Variants in ELF2 observed in about 807,000 individuals in gnomAD.
The protein encoded by ELF2 is ETS-related transcription factor Elf-2.
In ELF2, 11 loss-of-function variants were observed where a neutral mutation model predicts 54.8. That is an observed-to-expected ratio of 0.20 (90% confidence interval 0.13 to 0.33). The LOEUF is 0.33. Ranked by LOEUF, ELF2 falls within the 10% of genes least tolerant of loss-of-function variation. ELF2 has a pLI of 1.00. For synonymous variants in ELF2, 203 were observed against 245.1 expected, an observed-to-expected ratio of 0.83 and a Z score of 1.61; for missense variants, 513 against 703.0, an observed-to-expected ratio of 0.73 and a Z score of 3.06.
intron 7 of ELF2, among the ~76,000 whole-genome samples, chr4:139,064,176 C>T (rs1291412470): frequency 6.6e-6 from 1 of 152,140 alleles, no homozygotes; most frequent in African/African-American, 2.4e-5. Context: ...GGCATGATGG[C>T]GGGTGCCTGT....
chr4:139,099,500 G>C (rs955529265), intron 4 of ELF2, among the ~76,000 whole-genome samples: 2 of 152,178 alleles, frequency 1.3e-5, no homozygotes, highest in African/African-American at 4.8e-5. Flanking sequence ...ATTCAGGTAA[G>C]TCAACTGATA....
chr4:139,109,090 T>A (rs1734707900), intron 4 of ELF2, among the ~76,000 whole-genome samples: 3 of 152,158 alleles, frequency 2.0e-5, no homozygotes, highest in African/African-American at 7.2e-5. Flanking sequence ...TAAACAAGCA[T>A]CATTGCCACA....
intron 4 of ELF2, among the ~76,000 whole-genome samples, chr4:139,089,921 T>C (rs1246700759): frequency 6.6e-6 from 1 of 152,168 alleles, no homozygotes; most frequent in Non-Finnish European, 1.5e-5. Context: ...AGTTTCTAGG[T>C]CATAAAGTAT....
intron 1 of ELF2, chr4:139,155,444 G>C: frequency 6.6e-6 from 1 of 152,174 alleles, no homozygotes. Flanking sequence ...TCCCCATCTC[G>C]GAAAACAATA....
intron 4 of ELF2, among the ~76,000 whole-genome samples, chr4:139,092,300 G>GAAGT (rs1300675977): frequency 6.6e-6 from 1 of 151,686 alleles, no homozygotes; most frequent in Non-Finnish European, 1.5e-5. Context: ...GGCAGAGGTT[G>GAAGT]AAGTAAGCCG....
In ELF2 at chr4:139,139,495, G is replaced by C. The variant is rs1738497668; in HGVS notation, c.-249C>G. The C allele has an allele frequency of 8.1e-7, 1 of 1,228,084 alleles. No individual in the cohort carries two copies. The highest frequency in any genetic ancestry group is 1.6e-5 in the African/African-American group (1 of 64,346). 76.1% of individuals were successfully genotyped at this position (1,228,084 alleles called of 1,614,324 possible). ...TAAAATCTGAACCAGTAGTTCTTTG[G>C]AACTGCCAGCGGGAGGGGAAAAAAG... On this transcript the variant is annotated splice_region_variant and 5_prime_UTR_variant, in exon 2 of 10. Transcript: ENST00000686138.
intron 3 of ELF2, among the ~76,000 whole-genome samples, chr4:139,135,267 G>GTT: frequency 6.9e-6 from 1 of 145,310 alleles, no homozygotes; most frequent in Non-Finnish European, 1.5e-5. Context: ...GTGTGTGTGT[G>GTT]TGTGTGTGTG....
At chr4:139,114,629 T>A (rs1441866518) in intron 4 of ELF2, among the ~76,000 whole-genome samples, 1 of 83,488 alleles carries the variant, frequency 1.2e-5, no homozygotes, top group Non-Finnish European at 2.3e-5. Context: ...TGACATGGAT[T>A]TTTTTTTTCT....
chr4:139,148,647 T>A (rs1042436494), intron 1 of ELF2, among the ~76,000 whole-genome samples: 1 of 152,072 alleles, frequency 6.6e-6, no homozygotes, highest in Non-Finnish European at 1.5e-5. Context: ...ACATTTGAGA[T>A]GTTTCTACTT....
At chr4:139,159,458 GGTGAA>G (rs1740878414) in intron 1 of ELF2, among the ~76,000 whole-genome samples, 1 of 152,222 alleles carries the variant, frequency 6.6e-6, no homozygotes, top group Non-Finnish European at 1.5e-5. Flanking sequence ...GAGATTGATA[GGTGAA>G]GTTTCAATGG....
chr4:139,068,288 GGATTA>G (rs1386139096), intron 6 of ELF2, among the ~76,000 whole-genome samples: 1 of 152,144 alleles, frequency 6.6e-6, no homozygotes, highest in East Asian at 1.9e-4. Flanking sequence ...CAAAGTGCTG[GGATTA>G]CAGGCGTGAG....
intron 4 of ELF2, among the ~76,000 whole-genome samples, chr4:139,083,665 A>G (rs1731503254): frequency 6.6e-6 from 1 of 152,146 alleles, no homozygotes; most frequent in Non-Finnish European, 1.5e-5. Flanking sequence ...GGGGGTGGCG[A>G]GCGTTCGCCG....
chr4:139,104,473 C>G (rs923217672), intron 4 of ELF2, among the ~76,000 whole-genome samples: 6 of 138,890 alleles, frequency 4.3e-5, no homozygotes, highest in African/African-American at 1.6e-4. Context: ...CGTGCCACTG[C>G]ACCCCAGCCT....
intron 7 of ELF2, among the ~76,000 whole-genome samples, chr4:139,062,342 TG>T (rs1727997688): frequency 6.6e-6 from 1 of 152,198 alleles, no homozygotes; most frequent in Non-Finnish European, 1.5e-5. Flanking sequence ...GGCTAATTTT[TG>T]TATTTTTGGT....
At chr4:139,143,151 G>A (rs1578911632) in intron 1 of ELF2, among the ~76,000 whole-genome samples, 1 of 152,226 alleles carries the variant, frequency 6.6e-6, no homozygotes, top group East Asian at 1.9e-4. Flanking sequence ...GGTTAATTTC[G>A]GTCATTCTAG....
chr4:139,170,771 A>G (rs1742229705), intron 1 of ELF2, among the ~76,000 whole-genome samples: 1 of 149,742 alleles, frequency 6.7e-6, no homozygotes, highest in Non-Finnish European at 1.5e-5. Context: ...TTTGAGACAG[A>G]GCCTTGCTCT....
chr4:139,161,958 G>C (rs990941355), intron 1 of ELF2, among the ~76,000 whole-genome samples: 1 of 152,184 alleles, frequency 6.6e-6, no homozygotes, highest in Non-Finnish European at 1.5e-5. Context: ...GCTGGGTGTG[G>C]TGGTGGACGC....
chr4:139,141,565 G>A (rs1349915837), intron 1 of ELF2, among the ~76,000 whole-genome samples: 1 of 151,986 alleles, frequency 6.6e-6, no homozygotes, highest in Non-Finnish European at 1.5e-5. Context: ...GAAATTCTAG[G>A]ATCAAATATT....
chr4:139,151,073 AAAGAAAGAAAG>A lies in ELF2; in HGVS notation c.-251-11587_-251-11577del, dbSNP rs1482077227. On this transcript the variant is annotated intron_variant, in intron 1 of 9. Transcript: ENST00000686138. The stretch of plus-strand genomic sequence containing the variant: ...GAAAGAAAGAAAGAAAGAAAGAAAG[AAAGAAAGAAAG>A]AAAGAAAGAAAAAGAGAGCTATTTA... 1.5e-4 allele frequency among the ~76,000 whole-genome samples: 23 copies of A among 149,474 alleles called. 3 individuals carry two copies. Among genetic ancestry groups the A allele is most frequent in the African/African-American group, 4.7e-4 (19 of 40,076 alleles).
Sources: allele counts gnomAD v4.1 joint callset (sites outside exome capture counted in the v4.1 genomes callset), GRCh38; gene constraint gnomAD v4.1.1; transcripts MANE v1.5; gene names NCBI Gene and HGNC (gene_info 2026-07-23, HGNC 2026-07-21).